The following SNX9 variants were observed in gnomAD, a reference collection of about 807,000 sequenced individuals.
The protein encoded by SNX9 is sorting nexin 9.
In SNX9, 44 loss-of-function variants were observed where a neutral mutation model predicts 89.4. That is an observed-to-expected ratio of 0.49 (90% CI 0.39 to 0.63). The LOEUF (loss-of-function observed/expected upper bound fraction) is 0.63, where lower values mean the gene tolerates loss of function less well. SNX9 is among the 30% of genes least tolerant of loss of function. SNX9 has a pLI of 0.00. For synonymous variants in SNX9, 236 were observed against 247.8 expected, an observed-to-expected ratio of 0.95 and a Z score of 0.45; for missense variants, 578 against 736.1, an observed-to-expected ratio of 0.79 and a Z score of 2.49.
intron 9 of SNX9, among the ~76,000 whole-genome samples, chr6:157,911,284 A>G (rs1376287657): frequency 1.3e-5 from 2 of 152,198 alleles, no homozygotes; most frequent in African/African-American, 4.8e-5. Context: ...GAGGCCTGTA[A>G]GAGATGTAAA....
At chr6:157,862,046 T>C (rs1434756792) in intron 1 of SNX9, among the ~76,000 whole-genome samples, 1 of 152,220 alleles carries the variant, frequency 6.6e-6, no homozygotes, top group Non-Finnish European at 1.5e-5. Context: ...GATTGCATCA[T>C]GCTACTCAGA....
chr6:157,870,406 A>C (rs1411427806), intron 2 of SNX9, among the ~76,000 whole-genome samples: 1 of 151,536 alleles, frequency 6.6e-6, no homozygotes, highest in African/African-American at 2.4e-5. Context: ...AGACACTGTC[A>C]CCTGCTCTCA....
chr6:157,866,478 G>A (rs563965731), intron 1 of SNX9, among the ~76,000 whole-genome samples: 2 of 152,298 alleles, frequency 1.3e-5, no homozygotes, highest in African/African-American at 4.8e-5. Flanking sequence ...GGAGGCTGAG[G>A]TGGGAGGATT....
intron 9 of SNX9, among the ~76,000 whole-genome samples, chr6:157,913,514 A>G (rs932321919): frequency 6.6e-6 from 1 of 152,040 alleles, no homozygotes; most frequent in Non-Finnish European, 1.5e-5. Context: ...TTTAAATTTT[A>G]TTTTTAAACT....
chr6:157,846,092 T>C (rs545516950), intron 1 of SNX9, among the ~76,000 whole-genome samples: 2 of 152,244 alleles, frequency 1.3e-5, no homozygotes, highest in South Asian at 2.1e-4. Context: ...GATGAGATTG[T>C]CTTCGGCTTC....
intron 2 of SNX9, among the ~76,000 whole-genome samples, chr6:157,872,302 A>G (rs1260684134): frequency 6.6e-6 from 1 of 152,232 alleles, no homozygotes; most frequent in Non-Finnish European, 1.5e-5. Context: ...ATACTGGGAT[A>G]TAGAGTTCTA....
Position 157,887,703 on chromosome 6 carries a change from T to A in SNX9, c.301-9124T>A, listed in dbSNP as rs559815779. On this transcript the variant is annotated intron_variant, in intron 4 of 17. Coordinates refer to ENST00000392185, the MANE Select transcript of SNX9 (RefSeq NM_016224.5). ...TTTTGTTTTCATTGGGAGCATAAAC[T>A]GGGTCCCTGTTACTCCATCTTTGTT... Among the ~76,000 whole-genome samples, 18 of 152,348 alleles carry A rather than the reference T, an allele frequency of 1.2e-4. 1 individual carries two copies. The highest frequency in any genetic ancestry group is 4.1e-4 in the African/African-American group (17 of 41,600).
chr6:157,923,720 A>G (rs182940526), intron 10 of SNX9, among the ~76,000 whole-genome samples: 2 of 152,308 alleles, frequency 1.3e-5, no homozygotes, highest in African/African-American at 4.8e-5. Flanking sequence ...AAAAAAGTTT[A>G]AAAGCATGGC....
rs151042891 is a variant in SNX9 at position 157,866,881 on chromosome 6, A to T, written c.13-666A>T. On this transcript the variant is annotated intron_variant, in intron 1 of 17. Coordinates refer to ENST00000392185, the MANE Select transcript of SNX9 (RefSeq NM_016224.5). ...TGTTCCCAGAATGAACAGTTTGTGT[A>T]TTTCCACTTCTTACCTCCTAAGAGA... 2.4e-4 allele frequency among the ~76,000 whole-genome samples: 36 copies of T among 152,232 alleles called. No homozygotes were observed. In the East Asian group the frequency reaches 6.8e-3, roughly 29 times the overall value.
chr6:157,942,754 G>A (rs373421073), intron 17 of SNX9, 37 bp from the exon 18 acceptor site: 1 of 1,609,004 alleles, frequency 6.2e-7, no homozygotes, highest in African/African-American at 1.3e-5. Flanking sequence ...TAATGGGAGT[G>A]ATATCTCAAC....
chr6:157,874,849 G>T, intron 3 of SNX9: 2 of 470,210 alleles, frequency 4.3e-6, no homozygotes, highest in East Asian at 3.8e-5. Flanking sequence ...AAGAAATCTC[G>T]AGAAATTAAA....
chr6:157,830,840 A>G lies in SNX9; in HGVS notation c.12+7394A>G, dbSNP rs117812058. Among the ~76,000 whole-genome samples the G allele has an allele frequency of 5.6e-3, 847 of 152,316 alleles. 4 individuals are homozygous for G. Among genetic ancestry groups the G allele is most frequent in the Non-Finnish European group, 8.2e-3 (558 of 68,032 alleles). ...TCTTTCTTTCTGGAACTCTAGTAAC[A>G]TGAAAAGGACCGATGGAAATCTAAC... is the stretch of plus-strand genomic sequence containing the variant. On this transcript the variant is annotated intron_variant, in intron 1 of 17. Coordinates refer to ENST00000392185, the MANE Select transcript of SNX9 (RefSeq NM_016224.5).
Position 157,873,138 on chromosome 6 carries a change from A to G in SNX9, c.136A>G (p.Lys46Glu), listed in dbSNP as rs1314630440. Residue 46 changes from lysine to glutamate, a missense_variant, in exon 3 of 18, where the codon AAA (lysine) becomes GAA (glutamate). This residue lies in a region of SNX9 where 230 missense variants were observed against 244.7 expected (regional missense o/e 0.94). Transcript: ENST00000392185. The part of the protein sequence containing the change: ...GGGWLEGRNI[K>E]GERGLVPTDY... ...AGGATGGCTGGAAGGAAGAAACATC[A>G]AAGGAGAACGAGGGCTGGTTCCCAC... 6.2e-7 allele frequency: 1 copy of G among 1,603,086 alleles called. No homozygotes were observed. Among genetic ancestry groups the G allele is most frequent in the Admixed American group, 1.7e-5 (1 of 59,656 alleles).
At chr6:157,940,999 C>G (rs1168109156) in intron 17 of SNX9, 25 bp downstream of exon 17, 1 of 1,597,502 alleles carries the variant, frequency 6.3e-7, no homozygotes, top group South Asian at 1.1e-5. Flanking sequence ...ACGTGCCTTT[C>G]GCATGTGCTT....
chr6:157,909,246 A>G (rs1426114287), intron 7 of SNX9, among the ~76,000 whole-genome samples: 3 of 152,238 alleles, frequency 2.0e-5, no homozygotes, highest in Non-Finnish European at 2.9e-5. Context: ...CTTGAGGACA[A>G]TTTGGTATTG....
intron 4 of SNX9, among the ~76,000 whole-genome samples, chr6:157,895,924 A>C (rs1782967993): frequency 6.6e-6 from 1 of 152,238 alleles, no homozygotes; most frequent in Non-Finnish European, 1.5e-5. Flanking sequence ...AGGAGATCCC[A>C]GTCTACCTGA....
chr6:157,825,757 A>C (rs1384683286), intron 1 of SNX9, among the ~76,000 whole-genome samples: 1 of 152,170 alleles, frequency 6.6e-6, no homozygotes. Flanking sequence ...CTTGTGTCAA[A>C]CCAAAGTCTC....
At chr6:157,855,558 G>A (rs1781993498) in intron 1 of SNX9, among the ~76,000 whole-genome samples, 1 of 152,050 alleles carries the variant, frequency 6.6e-6, no homozygotes, top group African/African-American at 2.4e-5. Context: ...TCGTTTTTTG[G>A]TAGACTGATA....
rs1379282789 is a variant in SNX9 at position 157,894,095 on chromosome 6, G to GCTTTT, written c.301-2721_301-2717dup. On this transcript the variant is annotated intron_variant, in intron 4 of 17. Coordinates refer to ENST00000392185, the MANE Select transcript of SNX9 (RefSeq NM_016224.5). ...CCCTGTATCATTTCTTTTTCTTTTC[G>GCTTTT]CTTTTCTTTTCTTTTTTTTTTTTTT... 4.8e-4 allele frequency among the ~76,000 whole-genome samples: 65 copies of GCTTTT among 134,824 alleles called. 1 individual carries two copies. Among genetic ancestry groups the GCTTTT allele is most frequent in the African/African-American group, 1.6e-3 (58 of 35,496 alleles). 88.4% of individuals were successfully genotyped at this position (134,824 alleles called of 152,430 possible).
Sources: allele counts gnomAD v4.1 joint callset (sites outside exome capture counted in the v4.1 genomes callset), GRCh38; gene constraint gnomAD v4.1.1; regional missense constraint gnomAD v4.1.1; transcripts MANE v1.5; gene names NCBI Gene and HGNC (gene_info 2026-07-23, HGNC 2026-07-21).